Variants in KIF9 observed in about 807,000 individuals in gnomAD.
The protein encoded by KIF9 is kinesin family member 9.
Under a neutral mutation model 94.8 loss-of-function variants are expected in KIF9, and 68 were observed. That is an observed-to-expected ratio of 0.72 (90% confidence interval 0.59 to 0.88). The LOEUF is 0.88. Among genes scored for constraint, KIF9 ranks in the 40% least tolerant of loss-of-function variants. The pLI is 0.00. For synonymous variants in KIF9, 343 were observed against 362.1 expected, an observed-to-expected ratio of 0.95 and a Z score of 0.60; for missense variants, 882 against 982.5, an observed-to-expected ratio of 0.90 and a Z score of 1.37.
At chr3:47,247,590 G>A (rs1700008881) in intron 11 of KIF9, 113 bp from the exon 12 acceptor site, 1 of 776,562 alleles carries the variant, frequency 1.3e-6, no homozygotes, top group South Asian at 1.5e-5. Flanking sequence ...GGCCCTGGCT[G>A]CCCAAGCTGG....
intron 9 of KIF9, 70 bp from the exon 10 acceptor site, chr3:47,257,630 C>T: frequency 7.2e-7 from 1 of 1,390,836 alleles, no homozygotes. Flanking sequence ...CCGGCCTTCT[C>T]AGAGACCTTG....
chr3:47,262,246 C>T (rs576182261), intron 9 of KIF9, among the ~76,000 whole-genome samples: 1 of 151,420 alleles, frequency 6.6e-6, no homozygotes, highest in African/African-American at 2.4e-5. Context: ...TATGGCTCTT[C>T]TTGGGTTCAA....
In KIF9 at chr3:47,240,964, C is replaced by G. The variant is rs1699430480; in HGVS notation, c.1761G>C (p.Glu587Asp). ...KPVAFEEFKN[E>D]QGSEINRIFK... Reference sequence around the variant, plus strand: ...AAATTCGGTTGATCTCACTACCTTGCTCATTCTTAAACTCCTCAAAGGCCA... The same window carrying G: ...AAATTCGGTTGATCTCACTACCTTGGTCATTCTTAAACTCCTCAAAGGCCA... The change falls in exon 17 of 21, where the codon GAG becomes GAC. Residue 587 changes from glutamate (E) to aspartate (D), a missense_variant. Transcript: ENST00000684063. 6.2e-7 allele frequency: 1 copy of G among 1,614,038 alleles called. No homozygotes were observed. The highest frequency in any genetic ancestry group is 1.1e-5 in the South Asian group (1 of 91,088).
intron 3 of KIF9, among the ~76,000 whole-genome samples, chr3:47,273,996 A>T (rs1701807742): frequency 6.6e-6 from 1 of 152,136 alleles, no homozygotes; most frequent in African/African-American, 2.4e-5. Flanking sequence ...ATGAGGAGGG[A>T]GATAGGAGCA....
chr3:47,241,647 G>GTA (rs1239283454), intron 16 of KIF9, among the ~76,000 whole-genome samples: 20 of 143,262 alleles, frequency 1.4e-4, no homozygotes, highest in Admixed American at 4.2e-4. Flanking sequence ...GTGTGTGTGT[G>GTA]TGTATATATA....
Position 47,236,605 on chromosome 3 carries a change from T to G in KIF9, c.1939A>C (p.Lys647Gln). 1 of 1,613,828 alleles carries G rather than the reference T, an allele frequency of 6.2e-7. No homozygotes were observed. Among genetic ancestry groups the G allele is most frequent in the Non-Finnish European group, 8.5e-7 (1 of 1,180,020 alleles). Reference sequence around the variant, plus strand: ...TCCTCATCGATGATCATCAGCCCCTTGTTTTCGTACTTGCCTGCAAGGTGA... The same window carrying G: ...TCCTCATCGATGATCATCAGCCCCTGGTTTTCGTACTTGCCTGCAAGGTGA... Reference protein sequence around the residue: ...LREKQGKYENKGLMIIDEEEF... With the variant: ...LREKQGKYENQGLMIIDEEEF... Residue 647 changes from lysine to glutamine, a missense_variant, in exon 18 of 21, where the codon AAG (lysine) becomes CAG (glutamine). Lys to Gln is a moderately conservative substitution (Grantham distance 53, BLOSUM62 1). Transcript: ENST00000684063.
At chr3:47,277,693 T>A (rs1287096142) in intron 1 of KIF9, among the ~76,000 whole-genome samples, 2 of 152,224 alleles carry the variant, frequency 1.3e-5, no homozygotes, top group African/African-American at 4.8e-5. Context: ...TTTCTAGAAA[T>A]GTTCTGCAAC....
chr3:47,270,421 T>G (rs1482893367), intron 5 of KIF9, among the ~76,000 whole-genome samples: 2 of 150,350 alleles, frequency 1.3e-5, no homozygotes, highest in African/African-American at 2.4e-5. Flanking sequence ...ACCCAGCTTA[T>G]TTTTTGTATT....
intron 5 of KIF9, among the ~76,000 whole-genome samples, chr3:47,270,858 T>A (rs1196313106): frequency 6.7e-6 from 1 of 150,352 alleles, no homozygotes; most frequent in Non-Finnish European, 1.5e-5. Context: ...AGTAAAAAAC[T>A]AGCTGGACAC....
chr3:47,265,532 A>C (rs892084326), intron 8 of KIF9, among the ~76,000 whole-genome samples, 198 bp downstream of exon 8: 3 of 152,188 alleles, frequency 2.0e-5, no homozygotes, highest in Non-Finnish European at 4.4e-5. Context: ...GGTTCTGAGG[A>C]GTGAATAGCA....
At chr3:47,255,002 C>T (rs1390555165) in intron 10 of KIF9, among the ~76,000 whole-genome samples, 1 of 152,130 alleles carries the variant, frequency 6.6e-6, no homozygotes, top group Admixed American at 6.5e-5. Flanking sequence ...CCCCAGTCTC[C>T]AAACCATGGG....
chr3:47,277,699 G>C (rs1407522260), intron 1 of KIF9, among the ~76,000 whole-genome samples: 1 of 152,080 alleles, frequency 6.6e-6, no homozygotes, highest in Admixed American at 6.5e-5. Flanking sequence ...GAAATGTTCT[G>C]CAACTAAGAT....
chr3:47,282,788 G>T lies in KIF9; in HGVS notation c.-299C>A. 7.0e-7 allele frequency: 1 copy of T among 1,432,690 alleles called. No homozygotes were observed. Among genetic ancestry groups the T allele is most frequent in the South Asian group, 1.5e-5 (1 of 67,254 alleles). 88.7% of individuals were successfully genotyped at this position (1,432,690 alleles called of 1,614,324 possible). ...TAGCGAGGGAACGAAGGCCGCACAT[G>T]AACCAGGAAGCGGAGTGGCGGGGCT... On this transcript the variant is annotated 5_prime_UTR_variant, in exon 1 of 21. Transcript: ENST00000684063.
chr3:47,280,946 ACTTACTGAAATACTG>A (rs1304641022), intron 1 of KIF9: 6 of 702,930 alleles, frequency 8.5e-6, no homozygotes, highest in African/African-American at 1.7e-5. Context: ...GCCATCTTGC[ACTTACTGAAATACTG>A]CTTGTTACCA....
At position 47,240,803 on chromosome 3, in the gene KIF9, T is replaced by C. The variant is rs1290594257; in HGVS notation, c.1922A>G (p.Gln641Arg). 6.2e-7 allele frequency: 1 copy of C among 1,613,358 alleles called. No homozygotes were observed. Among genetic ancestry groups the C allele is most frequent in the Non-Finnish European group, 8.5e-7 (1 of 1,179,404 alleles). The change falls in exon 17 of 21, where the codon CAA becomes CGA. Residue 641 changes from glutamine to arginine, a missense_variant and splice_region_variant. Gln to Arg is a conservative substitution (Grantham distance 43). Coordinates refer to ENST00000684063, the MANE Select transcript of KIF9 (RefSeq NM_182902.4). ...AGCCCTCTTTCCAACACATTTACCT[T>C]GCTTCTCCCGTAGTGACTTCTGGAA... ...LNFQKSLREK[Q>R]GKYENKGLMI...
chr3:47,232,280 T>G (rs1345054937), intron 20 of KIF9, among the ~76,000 whole-genome samples: 2 of 151,822 alleles, frequency 1.3e-5, no homozygotes, highest in Non-Finnish European at 2.9e-5. Flanking sequence ...TTTCTGCTGT[T>G]TTTTTTGTTT....
chr3:47,269,018 C>T (rs1363590662), intron 5 of KIF9, among the ~76,000 whole-genome samples: 2 of 152,132 alleles, frequency 1.3e-5, no homozygotes, highest in Non-Finnish European at 2.9e-5. Flanking sequence ...CAGTGATCCG[C>T]CTGCCCCGGC....
chr3:47,255,681 T>A (rs1441384038), intron 10 of KIF9, among the ~76,000 whole-genome samples: 1 of 152,142 alleles, frequency 6.6e-6, no homozygotes, highest in African/African-American at 2.4e-5. Flanking sequence ...AGCCTGAAGA[T>A]GCCCTTTTTC....
intron 12 of KIF9, 52 bp from the exon 13 acceptor site, chr3:47,246,304 CA>C (rs1225057232): frequency 6.7e-7 from 1 of 1,482,050 alleles, no homozygotes; most frequent in Admixed American, 1.8e-5. Flanking sequence ...CTCGAGGGAC[CA>C]GGGGGCATCT....
Sources: allele counts gnomAD v4.1 joint callset (sites outside exome capture counted in the v4.1 genomes callset), GRCh38; gene constraint gnomAD v4.1.1; transcripts MANE v1.5; gene names NCBI Gene and HGNC (gene_info 2026-07-23, HGNC 2026-07-21).